The following RARB variants were observed in gnomAD, a reference collection of about 807,000 sequenced individuals.
RARB encodes the protein retinoic acid receptor beta, also known as HBV-activated protein.
A neutral mutation model predicts 51.9 loss-of-function variants in RARB; 17 were observed. The ratio of observed to expected loss-of-function variants is 0.33; its 90% confidence interval spans 0.22 to 0.49. The LOEUF (loss-of-function observed/expected upper bound fraction) is 0.49. RARB is among the 20% of genes least tolerant of loss of function. The pLI is 0.99. For missense variants in RARB, 369 were observed against 550.8 expected (o/e 0.67, Z 3.30); for synonymous variants, 215 against 195.4 (o/e 1.10, Z -0.84).
At chr3:25,015,260 T>C (rs916154228) in intron 2 of RARB, among the ~76,000 whole-genome samples, 39 of 152,170 alleles carry the variant, frequency 2.6e-4, no homozygotes, top group African/African-American at 8.9e-4. Context: ...AAATTAAAAA[T>C]GCTGATAGGT....
At chr3:24,919,796 CTT>C (rs1695181943) in intron 2 of RARB, among the ~76,000 whole-genome samples, 1 of 152,174 alleles carries the variant, frequency 6.6e-6, no homozygotes, top group South Asian at 2.1e-4. Flanking sequence ...TCTCATCAGA[CTT>C]TTCAAAGTGC....
At chr3:25,083,488 G>T (rs957944975) in intron 3 of RARB, among the ~76,000 whole-genome samples, 2 of 151,452 alleles carry the variant, frequency 1.3e-5, no homozygotes, top group African/African-American at 4.8e-5. Flanking sequence ...ATTTTCATTT[G>T]GCTCTCTTAT....
chr3:25,440,345 C>T (rs1385987838), intron 1 of RARB, among the ~76,000 whole-genome samples: 1 of 151,482 alleles, frequency 6.6e-6, no homozygotes, highest in Non-Finnish European at 1.5e-5. Flanking sequence ...ACTCGGGAGG[C>T]TAGGGTGGGA....
At chr3:24,942,211 A>G (rs1200534122) in intron 2 of RARB, among the ~76,000 whole-genome samples, 2 of 152,180 alleles carry the variant, frequency 1.3e-5, no homozygotes, top group Non-Finnish European at 2.9e-5. Flanking sequence ...TTATTTTAAC[A>G]CCTCCTGTAT....
chr3:25,570,018 ACACT>A (rs201331941), intron 4 of RARB, 100 bp downstream of exon 4: 2 of 1,056,844 alleles, frequency 1.9e-6, no homozygotes, highest in Non-Finnish European at 2.6e-6. Context: ...ACACACACAC[ACACT>A]TTGCACTGGG....
At chr3:25,573,177 G>A (rs780846971) in intron 4 of RARB, among the ~76,000 whole-genome samples, 2 of 152,000 alleles carry the variant, frequency 1.3e-5, no homozygotes, top group South Asian at 2.1e-4. Context: ...TCCGCTGGCC[G>A]CCTTCCTTCC....
intron 2 of RARB, among the ~76,000 whole-genome samples, chr3:24,931,750 G>A (rs1035137350): frequency 4.6e-5 from 7 of 152,070 alleles, no homozygotes; most frequent in Non-Finnish European, 1.0e-4. Flanking sequence ...TATGAATGGT[G>A]TCCCTTAGAC....
chr3:25,540,869 A>C (rs1252669142), intron 3 of RARB, among the ~76,000 whole-genome samples: 2 of 144,600 alleles, frequency 1.4e-5, no homozygotes, highest in African/African-American at 5.4e-5. Flanking sequence ...CATTCAGGTC[A>C]TGGTGGGGGC....
At chr3:25,108,621 A>G (rs995168996) in intron 3 of RARB, among the ~76,000 whole-genome samples, 1 of 152,206 alleles carries the variant, frequency 6.6e-6, no homozygotes, top group Non-Finnish European at 1.5e-5. Context: ...TTCAGTGTCC[A>G]GGGAAAAAAG....
intron 5 of RARB, among the ~76,000 whole-genome samples, chr3:25,304,793 C>T (rs751241469): frequency 2.0e-5 from 3 of 152,182 alleles, no homozygotes; most frequent in African/African-American, 7.2e-5. Context: ...AGTCATGTCC[C>T]TCCCTATTCA....
At chr3:25,373,719 C>T (rs1342536149) in intron 5 of RARB, among the ~76,000 whole-genome samples, 3 of 152,094 alleles carry the variant, frequency 2.0e-5, no homozygotes, top group Admixed American at 6.6e-5. Context: ...ACTACCATGG[C>T]GGGGAATGGA....
chr3:24,916,937 G>A (rs148677842), intron 2 of RARB, among the ~76,000 whole-genome samples: 1 of 152,222 alleles, frequency 6.6e-6, no homozygotes, highest in Non-Finnish European at 1.5e-5. Flanking sequence ...TTTGCTGAGT[G>A]GAAGAAACAT....
At chr3:25,396,221 G>A (rs369001673) in intron 5 of RARB, among the ~76,000 whole-genome samples, 24 of 152,224 alleles carry the variant, frequency 1.6e-4, no homozygotes, top group African/African-American at 5.8e-4. Flanking sequence ...CTATCTTCAG[G>A]CCTCTCAGCC....
chr3:25,269,831 G>C (rs1703212954), intron 5 of RARB, among the ~76,000 whole-genome samples: 1 of 152,046 alleles, frequency 6.6e-6, no homozygotes, highest in African/African-American at 2.4e-5. Context: ...AAAATGTCAT[G>C]TTTAAGTGGC....
intron 3 of RARB, among the ~76,000 whole-genome samples, chr3:25,069,382 C>G (rs984236639): frequency 6.6e-6 from 1 of 152,156 alleles, no homozygotes; most frequent in Non-Finnish European, 1.5e-5. Flanking sequence ...AGAAAGTAAA[C>G]CTTCTCTAAG....
chr3:25,348,632 T>A (rs937319307), intron 5 of RARB, among the ~76,000 whole-genome samples: 19 of 152,204 alleles, frequency 1.2e-4, no homozygotes, highest in African/African-American at 4.6e-4. Flanking sequence ...ACATGACACA[T>A]GACCCACAAC....
intron 2 of RARB, among the ~76,000 whole-genome samples, chr3:25,036,939 G>A (rs1290481214): frequency 1.3e-5 from 2 of 152,140 alleles, no homozygotes; most frequent in African/African-American, 4.8e-5. Context: ...TGCATGAGAG[G>A]TGTCAGGTGT....
intron 2 of RARB, among the ~76,000 whole-genome samples, chr3:24,866,841 C>T (rs934522006): frequency 4.6e-5 from 7 of 152,058 alleles, no homozygotes; most frequent in African/African-American, 9.7e-5. Context: ...TCAAATCAGC[C>T]TCCCCAAGGA....
At chr3:25,243,929 C>G (rs542808699) in intron 5 of RARB, among the ~76,000 whole-genome samples, 1 of 152,242 alleles carries the variant, frequency 6.6e-6, no homozygotes, top group South Asian at 2.1e-4. Context: ...AGCTGTGAAT[C>G]CATCTGTTCC....
Sources: gnomAD v4.1 joint callset for allele counts (sites outside exome capture counted in the v4.1 genomes callset) on GRCh38, gnomAD v4.1.1 for gene constraint, MANE v1.5 for transcripts, NCBI Gene and HGNC (gene_info 2026-07-23, HGNC 2026-07-21) for gene names.